AKT3: variants seen among roughly 807,000 people sequenced by gnomAD.
AKT3 encodes AKT serine/threonine kinase 3, also known as RAC-gamma serine/threonine-protein kinase.
AKT3 carries 15 observed loss-of-function variants against 65.3 expected under a neutral mutation model. The ratio of observed to expected loss-of-function variants is 0.23; its 90% CI spans 0.15 to 0.35. The LOEUF (loss-of-function observed/expected upper bound fraction) is 0.35, where lower values mean the gene tolerates loss of function less well. Among genes scored for constraint, AKT3 ranks in the 10% least tolerant of loss-of-function variants. The pLI is 1.00. For synonymous variants in AKT3, 206 were observed against 183.8 expected, an observed-to-expected ratio of 1.12 and a Z score of -0.98; for missense variants, 243 against 576.5, an observed-to-expected ratio of 0.42 and a Z score of 5.92.
chr1:243,629,260 G>T (rs1679414402), intron 6 of AKT3, among the ~76,000 whole-genome samples: 1 of 151,874 alleles, frequency 6.6e-6, no homozygotes, highest in South Asian at 2.1e-4. Flanking sequence ...TGGGCAACAA[G>T]AGCAAAACTC....
At chr1:243,527,582 G>A (rs187896360) in intron 12 of AKT3, among the ~76,000 whole-genome samples, 11 of 152,206 alleles carry the variant, frequency 7.2e-5, no homozygotes, top group Admixed American at 7.2e-4. Flanking sequence ...GGGCCCTCCA[G>A]CAATCGGTAC....
intron 2 of AKT3, among the ~76,000 whole-genome samples, chr1:243,841,306 A>C (rs545854531): frequency 1.3e-5 from 2 of 152,312 alleles, no homozygotes; most frequent in Admixed American, 1.3e-4. Context: ...AACAGCTTAC[A>C]TTGTGTTAGA....
chr1:243,680,156 T>C (rs1369170075), intron 3 of AKT3, among the ~76,000 whole-genome samples: 1 of 152,120 alleles, frequency 6.6e-6, no homozygotes, highest in African/African-American at 2.4e-5. Flanking sequence ...TGTCTAAAAA[T>C]GCAACCATAG....
At chr1:243,574,849 T>C (rs1049522905) in intron 8 of AKT3, among the ~76,000 whole-genome samples, 10 of 152,132 alleles carry the variant, frequency 6.6e-5, no homozygotes, top group African/African-American at 2.4e-4. Context: ...ATTAGGTTTC[T>C]AAATTTTCTT....
intron 2 of AKT3, among the ~76,000 whole-genome samples, chr1:243,703,282 T>C (rs530966061): frequency 2.0e-5 from 3 of 152,280 alleles, no homozygotes; most frequent in Admixed American, 6.5e-5. Context: ...TAATCAATTA[T>C]AGTTGCTGAA....
chr1:243,647,157 A>G (rs1449166064), intron 4 of AKT3, among the ~76,000 whole-genome samples: 1 of 152,172 alleles, frequency 6.6e-6, no homozygotes, highest in Non-Finnish European at 1.5e-5. Flanking sequence ...AAGATCTTTC[A>G]CATCTTTAAC....
chr1:243,497,937 C>T (rs1159611560), downstream of AKT3, among the ~76,000 whole-genome samples: 1 of 152,214 alleles, frequency 6.6e-6, no homozygotes, highest in Admixed American at 6.5e-5. Context: ...TTGCCCCAGC[C>T]TCCCAAAGCA....
chr1:243,551,220 C>T (rs925438990), intron 11 of AKT3, among the ~76,000 whole-genome samples: 1 of 152,014 alleles, frequency 6.6e-6, no homozygotes, highest in Non-Finnish European at 1.5e-5. Context: ...CTCTCTGGGC[C>T]TTTGTTTTCA....
intron 2 of AKT3, among the ~76,000 whole-genome samples, chr1:243,840,357 TG>T (rs1695166682): frequency 6.9e-6 from 1 of 145,868 alleles, no homozygotes; most frequent in Admixed American, 6.8e-5. Context: ...CTGCTGGGGG[TG>T]GGGGGCAAGG....
At chr1:243,534,090 ACAGT>A (rs1231342437) in intron 12 of AKT3, among the ~76,000 whole-genome samples, 9 of 152,190 alleles carry the variant, frequency 5.9e-5, no homozygotes, top group Middle Eastern at 3.2e-3. Flanking sequence ...AAAGACAGAG[ACAGT>A]CAGAGTAGAT....
intron 2 of AKT3, among the ~76,000 whole-genome samples, chr1:243,776,179 T>C (rs1207924334): frequency 6.6e-6 from 1 of 152,176 alleles, no homozygotes; most frequent in Non-Finnish European, 1.5e-5. Context: ...GTTCTAATTT[T>C]TCTCCACTAG....
intron 2 of AKT3, among the ~76,000 whole-genome samples, chr1:243,756,810 G>T (rs183843300): frequency 5.3e-5 from 8 of 152,292 alleles, no homozygotes; most frequent in Admixed American, 2.0e-4. Flanking sequence ...CTCTACAGTG[G>T]AGAAAACTAG....
intron 2 of AKT3, among the ~76,000 whole-genome samples, chr1:243,783,027 CTGAG>C (rs1691010735): frequency 6.6e-6 from 1 of 152,160 alleles, no homozygotes; most frequent in Admixed American, 6.5e-5. Flanking sequence ...TTCCCGCTTC[CTGAG>C]TAATAGGAGT....
intron 2 of AKT3, among the ~76,000 whole-genome samples, chr1:243,817,753 G>GCAAA (rs776809511): frequency 1.3e-5 from 2 of 152,064 alleles, no homozygotes; most frequent in Non-Finnish European, 2.9e-5. Flanking sequence ...AAATAAATAA[G>GCAAA]CAAACAAACA....
intron 4 of AKT3, among the ~76,000 whole-genome samples, chr1:243,648,332 T>A (rs12141946): frequency 2.1e-4 from 32 of 151,882 alleles, no homozygotes; most frequent in Non-Finnish European, 4.6e-4. Flanking sequence ...TATAAAATGA[T>A]CACACAGATT....
At position 243,710,551 on chromosome 1, in the gene AKT3, T is replaced by G. The variant is rs534647853; in HGVS notation, c.47-14835A>C. 3.3e-4 allele frequency among the ~76,000 whole-genome samples: 50 copies of G among 152,336 alleles called. 3 individuals are homozygous for G. The South Asian group carries it at 0.01, about 32-fold the overall frequency. On this transcript the variant is annotated intron_variant, in intron 2 of 13. Transcript: ENST00000673466. ...TATGAAAGACTCTTAAATACTAAAT[T>G]AGGTGGCTCTCCCAGGTACAACAAC... is the stretch of plus-strand genomic sequence containing the variant.
At chr1:243,730,417 G>C (rs1687479582) in intron 2 of AKT3, among the ~76,000 whole-genome samples, 1 of 152,180 alleles carries the variant, frequency 6.6e-6, no homozygotes, top group African/African-American at 2.4e-5. Context: ...ACCCAACAGT[G>C]GGCATGAAAA....
intron 11 of AKT3, chr1:243,548,055 T>C (rs1411357542): frequency 6.6e-6 from 1 of 152,234 alleles, no homozygotes; most frequent in Non-Finnish European, 1.5e-5. Context: ...GCAAACTCCT[T>C]TGAAGGCAAG....
intron 2 of AKT3, among the ~76,000 whole-genome samples, chr1:243,822,677 C>T: frequency 6.6e-6 from 1 of 151,994 alleles, no homozygotes; most frequent in South Asian, 2.1e-4. Context: ...ACTAGAAAAT[C>T]TAGAAGAAAT....
Sources: gnomAD v4.1 joint callset for allele counts (sites outside exome capture counted in the v4.1 genomes callset) on GRCh38, gnomAD v4.1.1 for gene constraint, MANE v1.5 for transcripts, NCBI Gene and HGNC (gene_info 2026-07-23, HGNC 2026-07-21) for gene names.